The following MRTFB variants were observed in gnomAD, a reference collection of about 807,000 sequenced individuals.
MRTFB encodes myocardin related transcription factor B.
In MRTFB, 29 loss-of-function variants were observed where a neutral mutation model predicts 104.2. The observed-to-expected ratio is 0.28, with a 90% CI of 0.21 to 0.38. MRTFB has a LOEUF of 0.38. Ranked by LOEUF, MRTFB falls within the 10% of genes least tolerant of loss-of-function variation. The probability of loss-of-function intolerance (pLI) is 1.00; values close to 1 mark genes in which losing one functional copy is unlikely to be tolerated. For synonymous variants in MRTFB, 535 were observed against 519.5 expected (o/e 1.03, Z -0.41); for missense variants, 1,270 against 1,341.6 (o/e 0.95, Z 0.83).
chr16:14,230,245 C>G (rs1384707599), intron 8 of MRTFB, among the ~76,000 whole-genome samples: 1 of 152,130 alleles, frequency 6.6e-6, no homozygotes, highest in Non-Finnish European at 1.5e-5. Flanking sequence ...GTCTAAAACA[C>G]CAAAAGCAAT....
chr16:14,169,400 T>G (rs139474469), intron 3 of MRTFB, among the ~76,000 whole-genome samples: 222 of 152,358 alleles, frequency 1.5e-3, no homozygotes, highest in Non-Finnish European at 1.8e-4. Context: ...TTCTGAATAT[T>G]TCATAAAACA....
chr16:14,112,312 G>A (rs1272231694), intron 2 of MRTFB, among the ~76,000 whole-genome samples: 2 of 152,192 alleles, frequency 1.3e-5, no homozygotes, highest in African/African-American at 4.8e-5. Context: ...TGAAACTGGG[G>A]AGATCACGGA....
intron 3 of MRTFB, chr16:14,169,999 C>T (rs2039370505): frequency 6.6e-6 from 1 of 152,016 alleles, no homozygotes; most frequent in East Asian, 1.9e-4. Context: ...TGACAAAAGG[C>T]AAGGAATTTC....
At chr16:14,098,181 C>T (rs926339350) in intron 2 of MRTFB, among the ~76,000 whole-genome samples, 2 of 152,104 alleles carry the variant, frequency 1.3e-5, no homozygotes, top group African/African-American at 4.8e-5. Context: ...TCCAAGTTGT[C>T]ATTTCCTTTT....
intron 2 of MRTFB, among the ~76,000 whole-genome samples, chr16:14,130,730 C>T (rs143444079): frequency 9.9e-5 from 15 of 152,196 alleles, no homozygotes; most frequent in African/African-American, 2.2e-4. Context: ...TAAAGACATA[C>T]CCAAGACTGG....
At chr16:14,197,033 G>C (rs575399229) in intron 3 of MRTFB, among the ~76,000 whole-genome samples, 1 of 130,158 alleles carries the variant, frequency 7.7e-6, no homozygotes, top group Non-Finnish European at 1.5e-5. Context: ...GCAGTGTCGT[G>C]ATTGCGGCTC....
intron 2 of MRTFB, among the ~76,000 whole-genome samples, chr16:14,109,626 G>A (rs7194751): frequency 0.025 from 3,801 of 152,238 alleles, 173 homozygotes; most frequent in African/African-American, 0.085. Flanking sequence ...GACACCGATG[G>A]AGAAGATGAG....
intron 3 of MRTFB, among the ~76,000 whole-genome samples, chr16:14,155,255 G>A (rs74009141): frequency 0.09 from 13,634 of 151,472 alleles, 1,259 homozygotes; most frequent in African/African-American, 0.24. Context: ...CTAATATGCT[G>A]TTAATCCCAC....
At chr16:14,017,960 A>C in the MRTFB span, among the ~76,000 whole-genome samples, 2 of 151,430 alleles carry the variant, frequency 1.3e-5, no homozygotes, top group African/African-American at 4.9e-5. Flanking sequence ...GGCCCCAAGC[A>C]ATCCTCCTGC....
chr16:14,074,177 A>G (rs886758551), intron 1 of MRTFB, among the ~76,000 whole-genome samples: 1 of 152,218 alleles, frequency 6.6e-6, no homozygotes, highest in Non-Finnish European at 1.5e-5. Flanking sequence ...GACTGCTGTC[A>G]AAACAGAAGG....
Position 14,194,702 on chromosome 16 carries a change from CTT to C in MRTFB, c.155-15524_155-15523del, listed in dbSNP as rs5815818. Among the ~76,000 whole-genome samples, 732 of 123,538 alleles carry C rather than the reference CTT, an allele frequency of 5.9e-3. 5 individuals carry two copies. The highest frequency in any genetic ancestry group is 0.019 in the African/African-American group (680 of 35,308). The allele number at this position is 123,538 out of a possible 152,430, so 81.0% of individuals were successfully genotyped here. ...GAAGTATTTCTTTTTGTATGCTTTT[CTT>C]TTTTTTTTTTTTTTTTAATTATCTT... On this transcript the variant is annotated intron_variant, in intron 3 of 16. Transcript: ENST00000571589.
chr16:14,085,127 G>A (rs556306611), intron 2 of MRTFB, among the ~76,000 whole-genome samples: 1 of 152,158 alleles, frequency 6.6e-6, no homozygotes, highest in African/African-American at 2.4e-5. Context: ...AGAAAAAAAA[G>A]CCAATTAAAA....
At chr16:14,154,444 C>T (rs1289827768) in intron 3 of MRTFB, among the ~76,000 whole-genome samples, 1 of 152,120 alleles carries the variant, frequency 6.6e-6, no homozygotes, top group East Asian at 1.9e-4. Flanking sequence ...AGAGCCGAAT[C>T]TTTTTAAAAT....
At chr16:14,088,213 G>T (rs1198962723) in intron 2 of MRTFB, among the ~76,000 whole-genome samples, 1 of 152,190 alleles carries the variant, frequency 6.6e-6, no homozygotes, top group Non-Finnish European at 1.5e-5. Context: ...GAGCAGTGCG[G>T]AATTTTATGG....
In MRTFB at chr16:14,263,618, G is replaced by T. The variant is rs1310233410; in HGVS notation, c.*2174G>T. ...GTGTAGATAGTTTTCTAGCTCTCGG[G>T]TCCCTTTATTGCTTTTTAAAATAGG... On this transcript the variant is annotated 3_prime_UTR_variant, in exon 17 of 17. Transcript: ENST00000571589. 1 of 151,134 alleles carries T rather than the reference G, an allele frequency of 6.6e-6. No homozygotes were observed. The allele number at this position is 151,134 out of a possible 1,614,324, so 9.4% of individuals were successfully genotyped here.
chr16:14,184,836 C>T (rs2039892057), intron 3 of MRTFB, among the ~76,000 whole-genome samples: 1 of 152,172 alleles, frequency 6.6e-6, no homozygotes, highest in Non-Finnish European at 1.5e-5. Flanking sequence ...CAGACTTGGG[C>T]TTTAGAGAAC....
rs530319398 is a variant in MRTFB, at chr16:14,233,257, A to G, written c.694-889A>G. 2.6e-5 allele frequency among the ~76,000 whole-genome samples: 4 copies of G among 152,306 alleles called. No individual in the cohort carries two copies. The South Asian group carries it at 8.3e-4, about 32-fold the overall frequency. On this transcript the variant is annotated intron_variant, in intron 8 of 16. Coordinates refer to ENST00000571589, the MANE Select transcript of MRTFB (RefSeq NM_001308142.2). Reference sequence around the variant, plus strand: ...TCGGTAAAACAGATCAGTCTTACCAAAATATATTCTTCAAATCTTCTGTTG... The same window carrying G: ...TCGGTAAAACAGATCAGTCTTACCAGAATATATTCTTCAAATCTTCTGTTG...
chr16:14,041,365 G>A, the MRTFB span, among the ~76,000 whole-genome samples: 1 of 152,076 alleles, frequency 6.6e-6, no homozygotes, highest in Non-Finnish European at 1.5e-5. Flanking sequence ...CCTAGCCCCC[G>A]GCAACCGCAA....
intron 4 of MRTFB, 22 bp downstream of exon 4, chr16:14,210,330 C>T (rs748681504): frequency 6.3e-7 from 1 of 1,595,310 alleles, no homozygotes; most frequent in Admixed American, 1.7e-5. Context: ...ACCATCACTG[C>T]CATCCCTAAC....
Sources: allele counts gnomAD v4.1 joint callset (sites outside exome capture counted in the v4.1 genomes callset), GRCh38; gene constraint gnomAD v4.1.1; transcripts MANE v1.5; gene names NCBI Gene and HGNC (gene_info 2026-07-23, HGNC 2026-07-21).